Variants in DDX19A observed in about 807,000 individuals in gnomAD.
DDX19A encodes the protein DEAD-box helicase 19A.
DDX19A carries 12 observed loss-of-function variants against 60.6 expected under a neutral mutation model. The observed-to-expected ratio is 0.20, with a 90% CI of 0.13 to 0.32. The LOEUF is 0.32. Among genes scored for constraint, DDX19A ranks in the 10% least tolerant of loss-of-function variants. The pLI is 1.00. For synonymous variants in DDX19A, 206 were observed against 218.2 expected, an observed-to-expected ratio of 0.94 and a Z score of 0.49; for missense variants, 337 against 600.6, an observed-to-expected ratio of 0.56 and a Z score of 4.59.
Position 70,372,407 on chromosome 16 carries a change from G to C in DDX19A, c.*421G>C, listed in dbSNP as rs1032991746. The C allele has an allele frequency of 8.5e-6, 2 of 235,626 alleles. No homozygotes were observed. Among genetic ancestry groups the C allele is most frequent in the African/African-American group, 4.6e-5 (2 of 43,366 alleles). The allele number at this position is 235,626 out of a possible 1,614,324, so 14.6% of individuals were successfully genotyped here. On this transcript the variant is annotated 3_prime_UTR_variant, in exon 12 of 12. Coordinates refer to ENST00000302243, the MANE Select transcript of DDX19A (RefSeq NM_018332.5). ...CCCCACCGCTGTGCATCGAATGAGG[G>C]AAGTGGCAGCAGAGAGGCCAGAGCT...
intron 5 of DDX19A, among the ~76,000 whole-genome samples, chr16:70,362,738 C>A (rs966867011): frequency 2.6e-5 from 4 of 151,982 alleles, no homozygotes; most frequent in Non-Finnish European, 4.4e-5. Flanking sequence ...CCACCATGCC[C>A]AGCTGACTTT....
chr16:70,359,469 T>C (rs1964308881), intron 4 of DDX19A, among the ~76,000 whole-genome samples: 1 of 152,220 alleles, frequency 6.6e-6, no homozygotes, highest in African/African-American at 2.4e-5. Flanking sequence ...TGATTTTTCT[T>C]AAACATCTTG....
rs1262396070 is a variant in DDX19A at position 70,350,191 on chromosome 16, C to CG, written c.58-365dup. Among the ~76,000 whole-genome samples the CG allele has an allele frequency of 3.9e-5, 6 of 152,072 alleles. No individual in the cohort carries two copies. The East Asian group carries it at 1.2e-3, about 29-fold the overall frequency. On this transcript the variant is annotated intron_variant, in intron 1 of 11. Transcript: ENST00000302243. ...TCGCTAGAACCCAGGAGGTTGAGGC[C>CG]GCAGTGAGCCATGATCGTGCTGCTG...
At chr16:70,365,943 C>A in intron 7 of DDX19A, 142 bp from the exon 8 acceptor site, 1 of 1,311,568 alleles carries the variant, frequency 7.6e-7, no homozygotes, top group South Asian at 1.3e-5. Context: ...CAGAAGAGAC[C>A]AAGACTGAGG....
In DDX19A at chr16:70,360,325, T is replaced by TTTTA. The variant is rs1964330890; in HGVS notation, c.294-1090_294-1089insATTT. ...TTCTTTTTTCTTTCTTTCTTTCTTT[T>TTTTA]TTTTTTTTTTTTTAAGAGATGACCT... On this transcript the variant is annotated intron_variant, in intron 4 of 11. Transcript: ENST00000302243. Among the ~76,000 whole-genome samples, 3 of 47,310 alleles carry TTTTA rather than the reference T, an allele frequency of 6.3e-5. No individual in the cohort carries two copies. The East Asian group carries it at 1.2e-3, about 20-fold the overall frequency. The allele number at this position is 47,310 out of a possible 152,430, so 31.0% of individuals were successfully genotyped here. A position where few individuals can be genotyped will look rare whatever the true frequency, so the allele number is the denominator to read the frequency against.
chr16:70,347,326 G>A (rs1191688001), intron 1 of DDX19A: 6 of 494,708 alleles, frequency 1.2e-5, no homozygotes, highest in Non-Finnish European at 1.8e-5. Flanking sequence ...ACGATTATAA[G>A]GAAAGCCAAG....
intron 10 of DDX19A, 121 bp from the exon 11 acceptor site, chr16:70,371,251 T>C: frequency 6.4e-7 from 1 of 1,565,348 alleles, no homozygotes. Context: ...TACCCAGAGT[T>C]GGCCTGTCCC....
chr16:70,369,499 T>G (rs1036216227), intron 9 of DDX19A, among the ~76,000 whole-genome samples: 1 of 152,008 alleles, frequency 6.6e-6, no homozygotes, highest in African/African-American at 2.4e-5. Flanking sequence ...CTTTTACTCC[T>G]AGGCTCAAGT....
intron 4 of DDX19A, 101 bp downstream of exon 4, chr16:70,356,348 T>G (rs1337155118): frequency 3.2e-6 from 5 of 1,545,352 alleles, no homozygotes; most frequent in Non-Finnish European, 4.4e-6. Flanking sequence ...TTTAAAAATT[T>G]AGTGTATTTT....
chr16:70,372,224 C>T lies in DDX19A; in HGVS notation c.*238C>T. ...TCCTTTCCCCACTTTTTTAAAGCCA[C>T]ATTCCCCCATCTTTATAATAATCTG... On this transcript the variant is annotated 3_prime_UTR_variant, in exon 12 of 12. Coordinates refer to ENST00000302243, the MANE Select transcript of DDX19A (RefSeq NM_018332.5). The T allele has an allele frequency of 1.6e-6, 1 of 613,402 alleles. No homozygotes were observed. The allele number at this position is 613,402 out of a possible 1,614,324, so 38.0% of individuals were successfully genotyped here.
At chr16:70,361,953 C>T (rs1964373838) in intron 5 of DDX19A, among the ~76,000 whole-genome samples, 2 of 151,960 alleles carry the variant, frequency 1.3e-5, no homozygotes, top group African/African-American at 4.8e-5. Flanking sequence ...GGCGGATTGC[C>T]TGAGCTCAGT....
At chr16:70,366,566 G>A in intron 8 of DDX19A, 58 bp from the exon 9 acceptor site, 11 of 1,606,308 alleles carry the variant, frequency 6.8e-6, no homozygotes, top group Non-Finnish European at 9.4e-6. Context: ...TGGGGAGGCT[G>A]TGCTTCCGTT....
In DDX19A at chr16:70,371,939, A is replaced by G. The variant is rs968184190; in HGVS notation, c.1390A>G (p.Arg464Gly). The G allele has an allele frequency of 2.2e-5, 36 of 1,613,966 alleles. No individual in the cohort carries two copies. Among genetic ancestry groups the G allele is most frequent in the Non-Finnish European group, 3.1e-5 (36 of 1,179,866 alleles). ...CTTTCCCCCAGATAAGAAGATAGAA[A>G]GATTGGACACAGATGATTTGGACGA... Reference protein sequence around the residue: ...IQEHFNKKIERLDTDDLDEIE... With the variant: ...IQEHFNKKIEGLDTDDLDEIE... The change falls in exon 12 of 12, where the codon AGA becomes GGA. Residue 464 changes from arginine (R) to glycine (G), a missense_variant. Coordinates refer to ENST00000302243, the MANE Select transcript of DDX19A (RefSeq NM_018332.5).
intron 4 of DDX19A, chr16:70,356,852 C>T (rs563727757): frequency 2.4e-6 from 3 of 1,260,900 alleles, no homozygotes; most frequent in Non-Finnish European, 2.0e-6. Context: ...TTAGAACTTT[C>T]AATAAAATAT....
chr16:70,347,411 C>T, intron 1 of DDX19A: 2 of 263,068 alleles, frequency 7.6e-6, no homozygotes, highest in Non-Finnish European at 1.5e-5. Flanking sequence ...TTTAACATTT[C>T]TTAGATCCAT....
At position 70,364,996 on chromosome 16, in the gene DDX19A, C is replaced by T. The variant is rs768522432; in HGVS notation, c.490-21C>T. 7 of 1,600,932 alleles carry T rather than the reference C, an allele frequency of 4.4e-6. 1 individual carries two copies. The African/African-American group carries it at 5.4e-5, about 12-fold the overall frequency. On this transcript the variant is annotated intron_variant, in intron 6 of 11. Transcript: ENST00000302243. ...TACCAAATGGCTCTCCTAAACTCATCCTTTATGATTTTTCTGTCAGTGTCT... is the reference window on the plus strand; with the variant it reads ...TACCAAATGGCTCTCCTAAACTCATTCTTTATGATTTTTCTGTCAGTGTCT...
chr16:70,347,240 G>A, intron 1 of DDX19A, 192 bp downstream of exon 1: 1 of 604,568 alleles, frequency 1.7e-6, no homozygotes. Context: ...CTCCATCTGG[G>A]CTGGTTAAGG....
At chr16:70,352,566 A>T (rs1448334782) in intron 2 of DDX19A, among the ~76,000 whole-genome samples, 2 of 151,008 alleles carry the variant, frequency 1.3e-5, no homozygotes, top group Non-Finnish European at 2.9e-5. Context: ...TACAGGCGTG[A>T]GCCACTGTGC....
At chr16:70,357,362 G>GTTTTTTTTTTTTTTTTTTTTTTTTTTTTT (rs1248365917) in intron 4 of DDX19A, among the ~76,000 whole-genome samples, 1 of 48,874 alleles carries the variant, frequency 2.0e-5, no homozygotes, top group African/African-American at 8.0e-5. Flanking sequence ...TCTGTTTTTG[G>GTTTTTTTTTTTTTTTTTTTTTTTTTTTTT]TTTGTTTTTT....
Sources: gnomAD v4.1 joint callset for allele counts (sites outside exome capture counted in the v4.1 genomes callset) on GRCh38, gnomAD v4.1.1 for gene constraint, MANE v1.5 for transcripts, NCBI Gene and HGNC (gene_info 2026-07-23, HGNC 2026-07-21) for gene names.